SEMA6D: variants seen among roughly 807,000 people sequenced by gnomAD.
The protein encoded by SEMA6D is semaphorin 6D.
In SEMA6D, 35 loss-of-function variants were observed where a neutral mutation model predicts 106.6. The ratio of observed to expected loss-of-function variants is 0.33; its 90% confidence interval spans 0.25 to 0.44. SEMA6D has a LOEUF of 0.44. Ranked by LOEUF, SEMA6D falls within the 20% of genes least tolerant of loss-of-function variation. The pLI, the probability that SEMA6D is intolerant of heterozygous loss-of-function variation, is 1.00. For missense variants in SEMA6D, 1,185 were observed against 1,345.9 expected (o/e 0.88, Z 1.87); for synonymous variants, 499 against 487.7 (o/e 1.02, Z -0.31).
chr15:47,618,760 A>G (rs1431127372), intron 4 of SEMA6D, among the ~76,000 whole-genome samples: 1 of 152,260 alleles, frequency 6.6e-6, no homozygotes, highest in Non-Finnish European at 1.5e-5. Context: ...GCTACAATAC[A>G]GAATAACTTC....
intron 1 of SEMA6D, among the ~76,000 whole-genome samples, chr15:47,325,182 T>C (rs1326168222): frequency 6.6e-6 from 1 of 152,068 alleles, no homozygotes; most frequent in African/African-American, 2.4e-5. Context: ...TTTTTGTTTT[T>C]TGTTTTTTAA....
chr15:47,553,758 T>C (rs1188596327), intron 3 of SEMA6D, among the ~76,000 whole-genome samples: 1 of 151,880 alleles, frequency 6.6e-6, no homozygotes, highest in African/African-American at 2.4e-5. Flanking sequence ...AAAAAAAAAA[T>C]TAAATGTCTG....
intron 1 of SEMA6D, among the ~76,000 whole-genome samples, chr15:47,735,070 C>G (rs754892270): frequency 2.6e-5 from 4 of 152,128 alleles, no homozygotes; most frequent in Non-Finnish European, 4.4e-5. Flanking sequence ...AAATCTATAG[C>G]CAAGACCTTA....
At chr15:47,434,184 T>C (rs2041628061) in intron 2 of SEMA6D, among the ~76,000 whole-genome samples, 1 of 151,778 alleles carries the variant, frequency 6.6e-6, no homozygotes, top group African/African-American at 2.4e-5. Flanking sequence ...TTGGACAGAG[T>C]GAATCGATTT....
intron 1 of SEMA6D, among the ~76,000 whole-genome samples, chr15:47,304,843 A>G (rs1274337317): frequency 2.0e-5 from 3 of 152,144 alleles, no homozygotes; most frequent in Admixed American, 1.3e-4. Flanking sequence ...ATGGGAGGAA[A>G]TTTGCCTACA....
chr15:47,308,514 A>G (rs2036317304), intron 1 of SEMA6D, among the ~76,000 whole-genome samples: 1 of 152,220 alleles, frequency 6.6e-6, no homozygotes, highest in South Asian at 2.1e-4. Context: ...TAAGTAAGCC[A>G]AGAAAATCCC....
chr15:47,298,912 C>G (rs2035910631), intron 1 of SEMA6D, among the ~76,000 whole-genome samples: 1 of 152,078 alleles, frequency 6.6e-6, no homozygotes, highest in African/African-American at 2.4e-5. Flanking sequence ...GCTGCTTTAC[C>G]TAAATTGTCT....
At chr15:47,707,630 C>T (rs1252644335) in intron 4 of SEMA6D, among the ~76,000 whole-genome samples, 6 of 152,190 alleles carry the variant, frequency 3.9e-5, no homozygotes, top group South Asian at 2.1e-4. Flanking sequence ...TGAGCACGTA[C>T]GCCTTCAGAA....
intron 4 of SEMA6D, among the ~76,000 whole-genome samples, chr15:47,683,059 A>C (rs2078392344): frequency 6.6e-6 from 1 of 152,156 alleles, no homozygotes; most frequent in Non-Finnish European, 1.5e-5. Context: ...CTGTGCACAT[A>C]TTTTTTATAT....
intron 3 of SEMA6D, among the ~76,000 whole-genome samples, chr15:47,478,098 C>A (rs2043049444): frequency 6.6e-6 from 1 of 152,118 alleles, no homozygotes; most frequent in Non-Finnish European, 1.5e-5. Context: ...CTTTTGCTGT[C>A]TTATAAACGA....
chr15:47,552,355 T>C (rs2045722192), intron 3 of SEMA6D, among the ~76,000 whole-genome samples: 1 of 151,916 alleles, frequency 6.6e-6, no homozygotes, highest in Non-Finnish European at 1.5e-5. Flanking sequence ...ATGTAGAAGA[T>C]ATGGTAGTAG....
intron 3 of SEMA6D, among the ~76,000 whole-genome samples, chr15:47,560,895 G>A (rs1313010956): frequency 6.6e-6 from 1 of 151,972 alleles, no homozygotes; most frequent in Non-Finnish European, 1.5e-5. Context: ...AGCCAGGGAA[G>A]GGGCATGGAG....
intron 1 of SEMA6D, among the ~76,000 whole-genome samples, chr15:47,264,574 T>C (rs1315824537): frequency 1.3e-5 from 2 of 152,074 alleles, no homozygotes; most frequent in Non-Finnish European, 2.9e-5. Flanking sequence ...TATATATGTG[T>C]ATGTGTGCAT....
intron 1 of SEMA6D, among the ~76,000 whole-genome samples, chr15:47,310,962 G>C (rs2036426670): frequency 6.6e-6 from 1 of 152,102 alleles, no homozygotes; most frequent in South Asian, 2.1e-4. Context: ...TAAATTCTTG[G>C]CCAAAACTGA....
intron 1 of SEMA6D, among the ~76,000 whole-genome samples, chr15:47,194,041 T>G (rs1894157898): frequency 1.3e-5 from 2 of 151,726 alleles, no homozygotes; most frequent in African/African-American, 4.8e-5. Flanking sequence ...GACAACTAAA[T>G]AAATATTGGG....
rs79903591 is a variant in SEMA6D at position 47,243,839 on chromosome 15, C to A, written c.-239+59421C>A. 9.2e-5 allele frequency among the ~76,000 whole-genome samples: 14 copies of A among 152,210 alleles called. No individual in the cohort carries two copies. The East Asian group carries it at 2.5e-3, about 27-fold the overall frequency. On this transcript the variant is annotated intron_variant, in intron 1 of 19. Coordinates refer to the SEMA6D transcript ENST00000558014. ...ACAGAATTTCATTAATCCGCTCATT[C>A]ATTTATTTTTCATGAAAATGATTGT...
Position 47,391,659 on chromosome 15 carries a change from A to AT in SEMA6D, c.-238-20719dup, listed in dbSNP as rs36039887. Among the ~76,000 whole-genome samples, 1,144 of 146,074 alleles carry AT rather than the reference A, an allele frequency of 7.8e-3. 15 individuals carry two copies. The highest frequency in any genetic ancestry group is 0.021 in the African/African-American group (819 of 39,930). On this transcript the variant is annotated intron_variant, in intron 1 of 19. Coordinates refer to the SEMA6D transcript ENST00000558014. ...AATTTAGGGACAGAAACAACTATTG[A>AT]TTTTTTTTTTTTTTTGTAAGAGGAG...
In SEMA6D at chr15:47,756,891, AT is replaced by A. The variant is rs2081774517; in HGVS notation, c.-54-2853del. ...TTTATAACTACTATGGCAAGTCTGAATGTAATTTTTTTTTTTTTTTTTTTCA... is the reference window on the plus strand; with the variant it reads ...TTTATAACTACTATGGCAAGTCTGAAGTAATTTTTTTTTTTTTTTTTTTCA... On this transcript the variant is annotated intron_variant, in intron 1 of 18. Transcript: ENST00000536845. Among the ~76,000 whole-genome samples the A allele has an allele frequency of 2.9e-5, 4 of 136,080 alleles. No homozygotes were observed. The Admixed American group carries it at 3.1e-4, about 10-fold the overall frequency. 89.3% of individuals were successfully genotyped at this position (136,080 alleles called of 152,430 possible).
intron 1 of SEMA6D, among the ~76,000 whole-genome samples, chr15:47,358,195 C>T (rs374963443): frequency 1.2e-4 from 18 of 152,082 alleles, no homozygotes; most frequent in East Asian, 5.8e-4. Context: ...GAATGGTGGC[C>T]CCCTCAAGTC....
Sources: gnomAD v4.1 joint callset for allele counts (sites outside exome capture counted in the v4.1 genomes callset) on GRCh38, gnomAD v4.1.1 for gene constraint, MANE v1.5 for transcripts, NCBI Gene and HGNC (gene_info 2026-07-23, HGNC 2026-07-21) for gene names.